The following CIT variants were observed in gnomAD, a reference collection of about 807,000 sequenced individuals.
CIT encodes citron rho-interacting serine/threonine kinase, also known as citron Rho-interacting kinase.
CIT carries 79 observed loss-of-function variants against 272.7 expected under a neutral mutation model. The observed-to-expected ratio is 0.29, with a 90% CI of 0.24 to 0.35. CIT has a LOEUF of 0.35. Ranked by LOEUF, CIT falls within the 10% of genes least tolerant of loss-of-function variation. The pLI, the probability that CIT is intolerant of heterozygous loss-of-function variation, is 1.00. For missense variants in CIT, 1,909 were observed against 2,618.3 expected (o/e 0.73, Z 5.91); for synonymous variants, 948 against 995.6 (o/e 0.95, Z 0.90).
intron 9 of CIT, among the ~76,000 whole-genome samples, chr12:119,805,185 G>T (rs983418584): frequency 2.6e-5 from 4 of 152,198 alleles, no homozygotes; most frequent in African/African-American, 9.6e-5. Context: ...TATGGAGAGA[G>T]ATTTGCAGAT....
At chr12:119,806,217 C>G (rs550450724) in intron 9 of CIT, among the ~76,000 whole-genome samples, 8 of 147,218 alleles carry the variant, frequency 5.4e-5, no homozygotes, top group Non-Finnish European at 1.2e-4. Context: ...ATATTCACAG[C>G]AAAGATTAAA....
intron 43 of CIT, 186 bp from the exon 44 acceptor site, chr12:119,701,011 A>G (rs1956529981): frequency 5.4e-6 from 2 of 372,032 alleles, no homozygotes; most frequent in East Asian, 8.1e-5. Context: ...GACTTTTTAA[A>G]TTTAATTTAT....
intron 8 of CIT, among the ~76,000 whole-genome samples, chr12:119,824,038 C>CAA (rs33990395): frequency 0.65 from 32,763 of 50,616 alleles, 11,545 homozygotes; most frequent in East Asian, 0.79. Flanking sequence ...GACTCCATCT[C>CAA]AAAAAAAAAA....
intron 2 of CIT, 107 bp from the exon 3 acceptor site, chr12:119,869,308 C>T (rs926668797): frequency 8.4e-6 from 9 of 1,067,376 alleles, no homozygotes; most frequent in African/African-American, 8.1e-5. Flanking sequence ...TAACTGCTCA[C>T]GACATGCTAA....
intron 5 of CIT, 144 bp downstream of exon 5, chr12:119,850,030 G>A (rs535694235): frequency 1.4e-5 from 10 of 705,042 alleles, no homozygotes; most frequent in East Asian, 1.3e-4. Context: ...TCTTTATAAC[G>A]AGGAAACCAG....
At chr12:119,853,761 G>A (rs1384083656) in intron 4 of CIT, among the ~76,000 whole-genome samples, 1 of 152,172 alleles carries the variant, frequency 6.6e-6, no homozygotes, top group Admixed American at 6.5e-5. Flanking sequence ...CATAAAAGGT[G>A]TCCAAGGAAG....
At chr12:119,827,004 C>A (rs1214874751) in intron 7 of CIT, among the ~76,000 whole-genome samples, 1 of 152,096 alleles carries the variant, frequency 6.6e-6, no homozygotes, top group Non-Finnish European at 1.5e-5. Flanking sequence ...TGAAACAGAC[C>A]TATTCTTCCC....
chr12:119,730,403 G>T, intron 27 of CIT, 92 bp downstream of exon 27: 5 of 1,278,952 alleles, frequency 3.9e-6, no homozygotes, highest in Non-Finnish European at 4.2e-6. Flanking sequence ...AAATATGTTT[G>T]CCATGGATTG....
At chr12:119,717,899 T>A (rs562458497) in intron 32 of CIT, among the ~76,000 whole-genome samples, 2 of 140,548 alleles carry the variant, frequency 1.4e-5, no homozygotes, top group South Asian at 4.8e-4. Context: ...TGGAGTGCAA[T>A]GGCGCAATCT....
chr12:119,696,661 G>C (rs931590455), intron 46 of CIT, among the ~76,000 whole-genome samples: 1 of 152,050 alleles, frequency 6.6e-6, no homozygotes, highest in Non-Finnish European at 1.5e-5. Flanking sequence ...AGAGTAGCCG[G>C]GATTACAGGC....
Position 119,770,733 on chromosome 12 carries a change from T to G in CIT, c.2208+52A>C, listed in dbSNP as rs748051118. ...ATTCTTCTTCTTACCCCCTTCCCTT[T>G]GCAAACTCTAACCTGTTATCTTTTA... On this transcript the variant is annotated intron_variant, in intron 18 of 47. Transcript: ENST00000392521. The surrounding 1 kb of genome is among the most constrained non-coding windows in gnomAD (Gnocchi z 4.4). 4.3e-5 allele frequency: 69 copies of G among 1,608,532 alleles called. No homozygotes were observed. The highest frequency in any genetic ancestry group is 5.4e-5 in the Non-Finnish European group (63 of 1,176,952).
chr12:119,869,855 G>A (rs1950617311), intron 2 of CIT, among the ~76,000 whole-genome samples: 1 of 152,176 alleles, frequency 6.6e-6, no homozygotes. Flanking sequence ...GGCACATCCG[G>A]CAACACTGCC....
At chr12:119,859,488 A>G (rs924477357) in intron 3 of CIT, among the ~76,000 whole-genome samples, 2 of 152,094 alleles carry the variant, frequency 1.3e-5, no homozygotes, top group Non-Finnish European at 2.9e-5. Flanking sequence ...GAATTGGCCA[A>G]TGTCATTTTT....
chr12:119,719,476 G>A (rs1957719244), intron 30 of CIT, among the ~76,000 whole-genome samples: 1 of 152,034 alleles, frequency 6.6e-6, no homozygotes, highest in African/African-American at 2.4e-5. Flanking sequence ...ACATAACCAG[G>A]TAACAGTTCA....
At position 119,784,218 on chromosome 12, in the gene CIT, T is replaced by C. The variant is rs749272678; in HGVS notation, c.1402-167A>G. The C allele has an allele frequency of 3.1e-6, 5 of 1,601,470 alleles. No individual in the cohort carries two copies. Among genetic ancestry groups the C allele is most frequent in the Non-Finnish European group, 3.4e-6 (4 of 1,172,546 alleles). ...GTTTCTTCGCCCAGGAGCGCACAGT[T>C]CTTCGTTAAGGACAGTCACCAAATG... On this transcript the variant is annotated intron_variant, in intron 11 of 47. Coordinates refer to ENST00000392521, the MANE Select transcript of CIT (RefSeq NM_001206999.2). The surrounding 1 kb of genome is among the most constrained non-coding windows in gnomAD (Gnocchi z 4.7).
intron 5 of CIT, among the ~76,000 whole-genome samples, chr12:119,834,520 T>A (rs1351282493): frequency 6.6e-6 from 1 of 152,184 alleles, no homozygotes; most frequent in African/African-American, 2.4e-5. Context: ...CACCCACAAG[T>A]TGACACCCCA....
In CIT at chr12:119,730,697, T is replaced by C. The variant is rs1290022135; in HGVS notation, c.3351-67A>G. On this transcript the variant is annotated intron_variant, in intron 26 of 47. Transcript: ENST00000392521. ...AGCTGACCTGCGGAAAGAAGGCTGGTCCGTCTCTAATCCTGACGAGCAACT... is the reference window on the plus strand; with the variant it reads ...AGCTGACCTGCGGAAAGAAGGCTGGCCCGTCTCTAATCCTGACGAGCAACT... 2.6e-6 allele frequency: 4 copies of C among 1,559,048 alleles called. No homozygotes were observed. In the African/African-American group the frequency reaches 5.4e-5, roughly 21 times the overall value.
intron 28 of CIT, among the ~76,000 whole-genome samples, chr12:119,724,135 A>G (rs928161280): frequency 2.0e-4 from 30 of 152,140 alleles, no homozygotes; most frequent in Admixed American, 1.5e-3. Context: ...ACTTGAAAAA[A>G]TAAAAGAGAA....
At chr12:119,873,267 T>C (rs1950737531) in intron 2 of CIT, among the ~76,000 whole-genome samples, 2 of 146,812 alleles carry the variant, frequency 1.4e-5, no homozygotes, top group Admixed American at 6.7e-5. Context: ...TTTTTCCTTT[T>C]CTTTTTTTTT....
Sources: gnomAD v4.1 joint callset for allele counts (sites outside exome capture counted in the v4.1 genomes callset) on GRCh38, gnomAD v4.1.1 for gene constraint, Gnocchi (gnomAD v3.1) non-coding constraint, MANE v1.5 for transcripts, NCBI Gene and HGNC (gene_info 2026-07-23, HGNC 2026-07-21) for gene names.